Variants in SCUBE1 observed in about 807,000 individuals in gnomAD.
The protein encoded by SCUBE1 is signal peptide, CUB domain and EGF like domain containing 1, also known as signal peptide, CUB and EGF-like domain-containing protein 1.
In SCUBE1, 59 loss-of-function variants were observed where a neutral mutation model predicts 124.4. The observed-to-expected ratio is 0.47, with a 90% CI of 0.38 to 0.59. SCUBE1 has a LOEUF of 0.59. Ranked by LOEUF, SCUBE1 falls within the 20% of genes least tolerant of loss-of-function variation. SCUBE1 has a pLI of 0.00. For missense variants in SCUBE1, 1,150 were observed against 1,371.2 expected, an observed-to-expected ratio of 0.84 and a Z score of 2.55; for synonymous variants, 545 against 550.9, an observed-to-expected ratio of 0.99 and a Z score of 0.15.
At chr22:43,339,364 C>T in intron 1 of SCUBE1, 129 bp from the exon 2 acceptor site, 1 of 848,148 alleles carries the variant, frequency 1.2e-6, no homozygotes, top group Non-Finnish European at 1.8e-6. Flanking sequence ...GCAATAACAG[C>T]TGTCACAGGA....
At position 43,201,341 on chromosome 22, in the gene SCUBE1, GAAAAC is replaced by G. The variant is rs1921005289; in HGVS notation, c.*2651_*2655del. 8.4e-6 allele frequency: 1 copy of G among 119,054 alleles called. No homozygotes were observed. The highest frequency in any genetic ancestry group is 3.0e-5 in the African/African-American group (1 of 32,952). The allele number at this position is 119,054 out of a possible 1,614,324, so 7.4% of individuals were successfully genotyped here. A position where few individuals can be genotyped will look rare whatever the true frequency, so the allele number is the denominator to read the frequency against. On this transcript the variant is annotated 3_prime_UTR_variant, in exon 22 of 22. Transcript: ENST00000360835. ...AAAAAAAAAAAAGAAAACAAAAAAA[GAAAAC>G]AAAAAACAAAACAAAAAAAACAAAA...
intron 4 of SCUBE1, among the ~76,000 whole-genome samples, chr22:43,273,043 A>T (rs1003457258): frequency 6.6e-6 from 1 of 152,216 alleles, no homozygotes; most frequent in Non-Finnish European, 1.5e-5. Flanking sequence ...CAGCTCACGC[A>T]TTCCTTCACT....
chr22:43,309,039 G>A (rs779664691), intron 3 of SCUBE1, among the ~76,000 whole-genome samples: 3 of 152,254 alleles, frequency 2.0e-5, no homozygotes, highest in Non-Finnish European at 2.9e-5. Flanking sequence ...GGAGCGGACC[G>A]TGGGCAGCAG....
intron 12 of SCUBE1, 33 bp from the exon 13 acceptor site, chr22:43,221,322 C>T (rs1922083721): frequency 3.4e-6 from 5 of 1,486,934 alleles, no homozygotes; most frequent in Non-Finnish European, 3.7e-6. Flanking sequence ...CAGGTGGTGG[C>T]CTCTCCTGCA....
intron 6 of SCUBE1, among the ~76,000 whole-genome samples, chr22:43,245,463 G>A (rs1923172284): frequency 6.6e-6 from 1 of 152,156 alleles, no homozygotes; most frequent in African/African-American, 2.4e-5. Flanking sequence ...GGTGGGGTGG[G>A]GCTCAAGTGT....
chr22:43,210,178 C>T lies in SCUBE1; in HGVS notation c.2446G>A (p.Gly816Ser), dbSNP rs756712127. The T allele has an allele frequency of 6.2e-7, 1 of 1,604,756 alleles. No individual in the cohort carries two copies. Among genetic ancestry groups the T allele is most frequent in the East Asian group, 2.2e-5 (1 of 44,622 alleles). ...CATTCAGCGTTGGCTGGGTAGTCGCCAGGGTAGTTGGGGGACTCGATGTAG... is the reference window on the plus strand; with the variant it reads ...CATTCAGCGTTGGCTGGGTAGTCGCTAGGGTAGTTGGGGGACTCGATGTAG... Reference protein sequence around the residue: ...TGYIESPNYPGDYPANAECVW... With the variant: ...TGYIESPNYPSDYPANAECVW... Residue 816 changes from glycine (G) to serine (S), a missense_variant, in exon 19 of 22, where the codon GGC (glycine) becomes AGC (serine). Physicochemically the swap from Gly to Ser is moderately conservative, Grantham distance 56. Coordinates refer to ENST00000360835, the MANE Select transcript of SCUBE1 (RefSeq NM_173050.5). The surrounding 1 kb of genome is among the most constrained non-coding windows in gnomAD (Gnocchi z 4.5).
intron 6 of SCUBE1, 78 bp from the exon 7 acceptor site, chr22:43,239,032 C>T (rs956056291): frequency 8.5e-6 from 10 of 1,176,494 alleles, no homozygotes; most frequent in Non-Finnish European, 1.3e-5. Context: ...GAAAGATCTT[C>T]TATGAGACAG....
At chr22:43,250,516 C>G (rs563759346) in intron 6 of SCUBE1, among the ~76,000 whole-genome samples, 1 of 152,320 alleles carries the variant, frequency 6.6e-6, no homozygotes, top group African/African-American at 2.4e-5. Flanking sequence ...TGGCCAGATC[C>G]AGAGAGGAGG....
At chr22:43,212,319 G>A in intron 17 of SCUBE1, 106 bp downstream of exon 17, 1 of 1,277,176 alleles carries the variant, frequency 7.8e-7, no homozygotes. Flanking sequence ...CTCTGAGCTG[G>A]GAGGTTCGCC....
At chr22:43,253,096 C>T (rs1190785262) in intron 6 of SCUBE1, among the ~76,000 whole-genome samples, 1 of 147,926 alleles carries the variant, frequency 6.8e-6, no homozygotes. Flanking sequence ...TAAGTCCGTA[C>T]CTTGCCTCTA....
At chr22:43,339,609 CT>C (rs1927203833) in intron 1 of SCUBE1, among the ~76,000 whole-genome samples, 1 of 141,724 alleles carries the variant, frequency 7.1e-6, no homozygotes, top group African/African-American at 2.8e-5. Flanking sequence ...ACTCTCCTCA[CT>C]CTATCCCCTA....
At chr22:43,250,253 C>T (rs1413768924) in intron 6 of SCUBE1, among the ~76,000 whole-genome samples, 1 of 152,230 alleles carries the variant, frequency 6.6e-6, no homozygotes, top group African/African-American at 2.4e-5. Context: ...GGTCTAGGGC[C>T]CTGTCTCCCG....
At chr22:43,281,475 C>T (rs1283957110) in intron 4 of SCUBE1, among the ~76,000 whole-genome samples, 2 of 105,810 alleles carry the variant, frequency 1.9e-5, no homozygotes, top group African/African-American at 1.2e-4. Flanking sequence ...ACCCTCCTGT[C>T]ACCTCCCTCT....
rs41277515 is a variant in SCUBE1 at position 43,203,986 on chromosome 22, G to C, written c.*11C>G. ...GACCAGGCCACCCCCAGGCAGGGCC[G>C]CTCCCCCCGGTTATTTGTAGGGCCG... On this transcript the variant is annotated 3_prime_UTR_variant, in exon 22 of 22. Transcript: ENST00000360835. 480 of 1,613,740 alleles carry C rather than the reference G, an allele frequency of 3.0e-4. No individual in the cohort carries two copies. The highest frequency in any genetic ancestry group is 3.9e-4 in the Non-Finnish European group (466 of 1,179,808).
Position 43,218,385 on chromosome 22 carries a change from C to T in SCUBE1, c.1761G>A (p.Lys587=). The T allele has an allele frequency of 1.9e-6, 3 of 1,613,564 alleles. No individual in the cohort carries two copies. The highest frequency in any genetic ancestry group is 1.1e-5 in the South Asian group (1 of 91,090). ...CATAGAACTGCTGCCGGCCGATGGA[C>T]TTGCGCAGGGTCTTGATGGCGGCCT... The part of the protein sequence containing the change: ...SLQAAIKTLR[K]SIGRQQFYVQ... The change falls in exon 15 of 22, where the codon AAG becomes AAA. Residue 587 remains lysine, a synonymous_variant. Coordinates refer to ENST00000360835, the MANE Select transcript of SCUBE1 (RefSeq NM_173050.5).
intron 10 of SCUBE1, among the ~76,000 whole-genome samples, chr22:43,225,526 C>G (rs981123269): frequency 3.8e-4 from 57 of 151,466 alleles, no homozygotes; most frequent in African/African-American, 1.4e-3. Context: ...CCTGCAATCC[C>G]GGCACTTTGG....
intron 15 of SCUBE1, 115 bp downstream of exon 15, chr22:43,218,138 ATC>A (rs748735874): frequency 3.2e-6 from 3 of 952,202 alleles, no homozygotes; most frequent in Non-Finnish European, 4.9e-6. Flanking sequence ...AGGCCTCTGC[ATC>A]TCTCTGTCCC....
At chr22:43,290,770 C>G (rs573836768) in intron 4 of SCUBE1, among the ~76,000 whole-genome samples, 3 of 152,358 alleles carry the variant, frequency 2.0e-5, no homozygotes, top group African/African-American at 7.2e-5. Flanking sequence ...GCCCCCAACT[C>G]AGAAAGGAAA....
chr22:43,303,903 C>T (rs532670413), intron 3 of SCUBE1, among the ~76,000 whole-genome samples: 10 of 152,330 alleles, frequency 6.6e-5, no homozygotes, highest in South Asian at 2.1e-4. Context: ...TGCACAGCCA[C>T]GGCGAGCTGA....
Sources: allele counts gnomAD v4.1 joint callset (sites outside exome capture counted in the v4.1 genomes callset), GRCh38; gene constraint gnomAD v4.1.1; non-coding constraint Gnocchi (gnomAD v3.1); transcripts MANE v1.5; gene names NCBI Gene and HGNC (gene_info 2026-07-23, HGNC 2026-07-21).